Variants in GTF2F2 observed in about 807,000 individuals in gnomAD.
The protein encoded by GTF2F2 is ATP-dependent helicase GTF2F2.
In GTF2F2, 23 loss-of-function variants were observed where a neutral mutation model predicts 42.2. The ratio of observed to expected loss-of-function variants is 0.55; its 90% CI spans 0.39 to 0.77. The LOEUF (loss-of-function observed/expected upper bound fraction) is 0.77. Ranked by LOEUF, GTF2F2 falls within the 30% of genes least tolerant of loss-of-function variation. The pLI is 0.00. For synonymous variants in GTF2F2, 105 were observed against 100.8 expected, an observed-to-expected ratio of 1.04 and a Z score of -0.25; for missense variants, 261 against 287.2, an observed-to-expected ratio of 0.91 and a Z score of 0.66.
chr13:45,209,614 T>C (rs1476373006), intron 5 of GTF2F2, among the ~76,000 whole-genome samples: 1 of 152,118 alleles, frequency 6.6e-6, no homozygotes, highest in Non-Finnish European at 1.5e-5. Context: ...TTTAGGGACC[T>C]GTGTGTGGTT....
intron 4 of GTF2F2, among the ~76,000 whole-genome samples, chr13:45,161,787 G>A (rs777845023): frequency 1.3e-5 from 2 of 152,202 alleles, no homozygotes; most frequent in Non-Finnish European, 2.9e-5. Flanking sequence ...AGGTTGCAGT[G>A]AGCCGAGATC....
intron 5 of GTF2F2, among the ~76,000 whole-genome samples, chr13:45,214,889 T>C (rs1873826288): frequency 6.6e-6 from 1 of 150,564 alleles, no homozygotes; most frequent in Non-Finnish European, 1.5e-5. Context: ...ATTATATGGC[T>C]TTTTGACTTC....
chr13:45,234,281 G>A (rs775453199), intron 5 of GTF2F2, among the ~76,000 whole-genome samples: 2 of 152,174 alleles, frequency 1.3e-5, no homozygotes, highest in African/African-American at 2.4e-5. Context: ...CTTGCATTTT[G>A]TAGTTTTTAT....
chr13:45,187,678 G>T (rs532500276), intron 4 of GTF2F2, among the ~76,000 whole-genome samples: 57 of 152,300 alleles, frequency 3.7e-4, no homozygotes, highest in Non-Finnish European at 6.8e-4. Context: ...CGATAAGTCG[G>T]CTACAGAAGA....
intron 7 of GTF2F2, among the ~76,000 whole-genome samples, chr13:45,271,269 C>T (rs1425587792): frequency 2.0e-5 from 3 of 148,478 alleles, no homozygotes; most frequent in African/African-American, 7.5e-5. Context: ...CCAGCCTGAG[C>T]GACAGAAAAA....
rs1555272623 is a variant in GTF2F2 at position 45,261,443 on chromosome 13, A to AC, written c.487-5790_487-5789insC. ...TCCATCTCAAAAAAAAAAAAAAAAA[A>AC]AGAATAATTTGTGTTCTGTTGTGAA... On this transcript the variant is annotated intron_variant, in intron 6 of 7. Coordinates refer to ENST00000340473, the MANE Select transcript of GTF2F2 (RefSeq NM_004128.3). 1.5e-3 allele frequency among the ~76,000 whole-genome samples: 216 copies of AC among 146,524 alleles called. 2 individuals are homozygous for AC. Among genetic ancestry groups the AC allele is most frequent in the African/African-American group, 2.9e-3 (117 of 40,346 alleles).
At chr13:45,165,067 G>T (rs1317028278) in intron 4 of GTF2F2, among the ~76,000 whole-genome samples, 1 of 152,048 alleles carries the variant, frequency 6.6e-6, no homozygotes, top group African/African-American at 2.4e-5. Flanking sequence ...GACAGATATA[G>T]GTAACCTGTT....
intron 5 of GTF2F2, among the ~76,000 whole-genome samples, chr13:45,220,464 A>G (rs777162215): frequency 4.6e-5 from 7 of 152,210 alleles, no homozygotes; most frequent in Non-Finnish European, 8.8e-5. Context: ...AGTAAATACT[A>G]GATTTCAGAA....
intron 2 of GTF2F2, among the ~76,000 whole-genome samples, chr13:45,143,460 A>G (rs1004707287): frequency 6.6e-6 from 1 of 152,204 alleles, no homozygotes; most frequent in Non-Finnish European, 1.5e-5. Context: ...AGATGATATT[A>G]ATACCTCATA....
intron 6 of GTF2F2, among the ~76,000 whole-genome samples, chr13:45,262,359 G>A (rs879623468): frequency 9.2e-5 from 14 of 152,162 alleles, no homozygotes; most frequent in Non-Finnish European, 1.5e-4. Context: ...GGGCGACAGA[G>A]TGAGATCCCA....
chr13:45,165,319 A>G (rs979810532), intron 4 of GTF2F2, among the ~76,000 whole-genome samples: 1 of 132,194 alleles, frequency 7.6e-6, no homozygotes, highest in Admixed American at 7.3e-5. Flanking sequence ...AAATATATAT[A>G]TATATATATA....
intron 5 of GTF2F2, among the ~76,000 whole-genome samples, chr13:45,217,038 C>T (rs1470848236): frequency 1.3e-5 from 2 of 151,674 alleles, no homozygotes; most frequent in Non-Finnish European, 2.9e-5. Flanking sequence ...CAGTGGCTCA[C>T]GCCTGTAATC....
At chr13:45,132,186 C>G (rs1869393551) in intron 1 of GTF2F2, among the ~76,000 whole-genome samples, 1 of 152,142 alleles carries the variant, frequency 6.6e-6, no homozygotes, top group African/African-American at 2.4e-5. Context: ...TTTAAAACAA[C>G]ATGCATTTAT....
At chr13:45,281,186 G>A (rs941054525) in intron 7 of GTF2F2, among the ~76,000 whole-genome samples, 2 of 152,150 alleles carry the variant, frequency 1.3e-5, no homozygotes, top group Non-Finnish European at 2.9e-5. Flanking sequence ...ACTGTATAAG[G>A]TGTGGGAGGT....
intron 4 of GTF2F2, among the ~76,000 whole-genome samples, chr13:45,167,842 C>A (rs780833605): frequency 1.3e-5 from 2 of 152,166 alleles, no homozygotes; most frequent in Non-Finnish European, 1.5e-5. Context: ...TGAGCCACCA[C>A]GCCCAGCCTC....
At position 45,267,628 on chromosome 13, in the gene GTF2F2, C is replaced by T. The variant is rs1876622495; in HGVS notation, c.630+252C>T. Reference sequence around the variant, plus strand: ...ATGTTCATTTATTCTTGACATTAAGCCTGAAATCTGTTGATACCATTTCTG... The same window carrying T: ...ATGTTCATTTATTCTTGACATTAAGTCTGAAATCTGTTGATACCATTTCTG... On this transcript the variant is annotated intron_variant, in intron 7 of 7. Transcript: ENST00000340473. Among the ~76,000 whole-genome samples, 3 of 152,060 alleles carry T rather than the reference C, an allele frequency of 2.0e-5. No individual in the cohort carries two copies. The South Asian group carries it at 6.2e-4, about 32-fold the overall frequency.
intron 5 of GTF2F2, among the ~76,000 whole-genome samples, chr13:45,227,990 G>A (rs1486407023): frequency 2.6e-5 from 4 of 152,002 alleles, no homozygotes; most frequent in Admixed American, 1.3e-4. Flanking sequence ...ATCCTTTGAC[G>A]TTCCAGAAGC....
At chr13:45,259,252 C>T (rs1876231727) in intron 6 of GTF2F2, among the ~76,000 whole-genome samples, 1 of 152,124 alleles carries the variant, frequency 6.6e-6, no homozygotes, top group Non-Finnish European at 1.5e-5. Flanking sequence ...CCTGGTAAAA[C>T]CCCGTCTCTA....
At chr13:45,157,263 A>C (rs1421777466) in intron 4 of GTF2F2, among the ~76,000 whole-genome samples, 1 of 152,186 alleles carries the variant, frequency 6.6e-6, no homozygotes. Flanking sequence ...GTAGATGAGC[A>C]AGGGGGAAGA....
Sources: allele counts gnomAD v4.1 joint callset (sites outside exome capture counted in the v4.1 genomes callset), GRCh38; gene constraint gnomAD v4.1.1; transcripts MANE v1.5; gene names NCBI Gene and HGNC (gene_info 2026-07-23, HGNC 2026-07-21).